Variants in PLXNB2 observed in about 807,000 individuals in gnomAD.
PLXNB2 encodes plexin-B2.
PLXNB2 carries 85 observed loss-of-function variants against 202.6 expected under a neutral mutation model. The observed-to-expected ratio is 0.42, with a 90% CI of 0.35 to 0.50. The LOEUF is 0.50. Ranked by LOEUF, PLXNB2 falls within the 20% of genes least tolerant of loss-of-function variation. The probability of loss-of-function intolerance (pLI) is 0.02; values close to 1 mark genes in which losing one functional copy is unlikely to be tolerated. For missense variants in PLXNB2, 2,063 were observed against 2,586.2 expected, an observed-to-expected ratio of 0.80 and a Z score of 4.39; for synonymous variants, 1,239 against 1,137.6, an observed-to-expected ratio of 1.09 and a Z score of -1.79.
At position 50,285,905 on chromosome 22, in the gene PLXNB2, G is replaced by A; in HGVS notation, c.1987-4C>T. 2 of 1,611,116 alleles carry A rather than the reference G, an allele frequency of 1.2e-6. No homozygotes were observed. Among genetic ancestry groups the A allele is most frequent in the South Asian group, 1.1e-5 (1 of 91,058 alleles). On this transcript the variant is annotated splice_polypyrimidine_tract_variant and splice_region_variant and intron_variant, in intron 10 of 36. Coordinates refer to ENST00000359337, the MANE Select transcript of PLXNB2 (RefSeq NM_012401.4). ...GGAACTGGGGACAGCTGTCCTCCTG[G>A]GAGAGTAAGGCTGGTCAGGTGCTGC...
At chr22:50,280,245 C>T (rs1347008968) in intron 25 of PLXNB2, among the ~76,000 whole-genome samples, 174 bp from the exon 26 acceptor site, 2 of 152,234 alleles carry the variant, frequency 1.3e-5, no homozygotes, top group Non-Finnish European at 2.9e-5. Flanking sequence ...AGTGTGCCAC[C>T]TTCCTTCTGT....
chr22:50,287,949 A>G lies in PLXNB2; in HGVS notation c.1469T>C (p.Val490Ala), dbSNP rs749954299. The G allele has an allele frequency of 6.3e-7, 1 of 1,585,788 alleles. No individual in the cohort carries two copies. The highest frequency in any genetic ancestry group is 1.8e-5 in the Admixed American group (1 of 56,422). ...DSQDPYCGWCVVEGRCTRKAE... is the reference protein window; with the variant it reads ...DSQDPYCGWCAVEGRCTRKAE... Reference sequence around the variant, plus strand: ...CCCAGGCACTCACCGTCCCTCGACGACGCACCAGCCGCAGTAGGGGTCCTG... The same window carrying G: ...CCCAGGCACTCACCGTCCCTCGACGGCGCACCAGCCGCAGTAGGGGTCCTG... Residue 490 changes from valine to alanine, a missense_variant, in exon 6 of 37, where the codon GTC becomes GCC. Transcript: ENST00000359337.
chr22:50,282,569 G>A lies in PLXNB2; in HGVS notation c.2987+142C>T, dbSNP rs541168445. 150 of 695,988 alleles carry A rather than the reference G, an allele frequency of 2.2e-4. No individual in the cohort carries two copies. The East Asian group carries it at 4.0e-3, about 19-fold the overall frequency. The allele number at this position is 695,988 out of a possible 1,614,324, so 43.1% of individuals were successfully genotyped here. On this transcript the variant is annotated intron_variant, in intron 18 of 36. Coordinates refer to ENST00000359337, the MANE Select transcript of PLXNB2 (RefSeq NM_012401.4). Reference sequence around the variant, plus strand: ...TGGGTTTCTAGGAGGAAGTGGATCTGGAGTGCAGTGGGGTTTTCCGGAGGC... The same window carrying A: ...TGGGTTTCTAGGAGGAAGTGGATCTAGAGTGCAGTGGGGTTTTCCGGAGGC...
intron 26 of PLXNB2, 61 bp downstream of exon 26, chr22:50,279,944 G>T: frequency 6.9e-7 from 1 of 1,450,708 alleles, no homozygotes. Flanking sequence ...GGGAACGCAG[G>T]AGGGGATGGC....
rs754031063 is a variant in PLXNB2, at chr22:50,275,718, C to T, written c.5503G>A (p.Val1835Ile). Residue 1835 changes from valine to isoleucine, a missense_variant, in exon 37 of 37, where the codon GTC becomes ATC. This residue lies in a region of PLXNB2 where 760 missense variants were observed against 1,109.4 expected (regional missense o/e 0.69). Coordinates refer to ENST00000359337, the MANE Select transcript of PLXNB2 (RefSeq NM_012401.4). ...GAGATTGTAGGTCAGAGGTCAGTGACCTTGTTCTCCAGTGCAGCGGCAATC... is the reference window on the plus strand; with the variant it reads ...GAGATTGTAGGTCAGAGGTCAGTGATCTTGTTCTCCAGTGCAGCGGCAATC... ...QQIAAALENK[V>I]TDL 4.4e-6 allele frequency: 7 copies of T among 1,606,742 alleles called. No homozygotes were observed. The East Asian group carries it at 1.6e-4, about 36-fold the overall frequency.
intron 1 of PLXNB2, among the ~76,000 whole-genome samples, chr22:50,306,133 C>T (rs751439652): frequency 1.4e-4 from 21 of 152,134 alleles, no homozygotes; most frequent in East Asian, 5.8e-4. Context: ...GGCAGGCAGC[C>T]GGTGGGGGAG....
intron 1 of PLXNB2, among the ~76,000 whole-genome samples, chr22:50,296,590 C>CAAAAAAAAAAAAAA (rs34197202): frequency 1.8e-5 from 1 of 56,460 alleles, no homozygotes; most frequent in Non-Finnish European, 3.3e-5. Context: ...GACTCTGTCT[C>CAAAAAAAAAAAAAA]AAAAAAAAAA....
intron 1 of PLXNB2, chr22:50,300,356 C>T: frequency 3.1e-6 from 3 of 983,134 alleles, no homozygotes; most frequent in South Asian, 9.4e-5. Flanking sequence ...GGGAGCAGCT[C>T]CGCCCCGCCG....
chr22:50,291,893 C>T lies in PLXNB2; in HGVS notation c.-13-1296G>A, dbSNP rs943398539. ...GTCCAGACTCGATGGCAGAGGGTTA[C>T]GAGGGATGGAGGCCCTGGCCTCCCC... On this transcript the variant is annotated intron_variant, in intron 2 of 36. Transcript: ENST00000359337. This position sits in a 1 kb window ranked among gnomAD's most constrained non-coding sequence, Gnocchi z 4.3. Among the ~76,000 whole-genome samples, 3 of 152,188 alleles carry T rather than the reference C, an allele frequency of 2.0e-5. No individual in the cohort carries two copies. Among genetic ancestry groups the T allele is most frequent in the East Asian group, 3.9e-4 (2 of 5,192 alleles).
chr22:50,277,590 C>T lies in PLXNB2; in HGVS notation c.5196+1G>A. ...CCCAGACCTGCCCCCACCCCACTCACGCGGCTCAGCTTATGCTCCGTGCGC... is the reference window on the plus strand; with the variant it reads ...CCCAGACCTGCCCCCACCCCACTCATGCGGCTCAGCTTATGCTCCGTGCGC... On this transcript the variant is annotated splice_donor_variant, in intron 33 of 36. Transcript: ENST00000359337. LOFTEE classifies it high-confidence loss of function. 1.9e-6 allele frequency: 3 copies of T among 1,562,444 alleles called. No homozygotes were observed. The highest frequency in any genetic ancestry group is 1.2e-5 in the South Asian group (1 of 84,028).
At position 50,281,844 on chromosome 22, in the gene PLXNB2, C is replaced by T. The variant is rs2066017690; in HGVS notation, c.3345+10G>A. 1.9e-6 allele frequency: 3 copies of T among 1,608,924 alleles called. No homozygotes were observed. Among genetic ancestry groups the T allele is most frequent in the African/African-American group, 1.3e-5 (1 of 74,888 alleles). On this transcript the variant is annotated intron_variant, in intron 20 of 36. Coordinates refer to ENST00000359337, the MANE Select transcript of PLXNB2 (RefSeq NM_012401.4). Reference sequence around the variant, plus strand: ...CAGGACCCAGACACCCGGGGCTGCACCGTCCTCACCCGGGCGTGGATGAGC... The same window carrying T: ...CAGGACCCAGACACCCGGGGCTGCATCGTCCTCACCCGGGCGTGGATGAGC...
Position 50,284,699 on chromosome 22 carries a change from G to T in PLXNB2, c.2089-34C>A. The stretch of plus-strand genomic sequence containing the variant: ...CATGCCGTCAGGACCCTGGACAGGC[G>T]GCTGTGGCACCCTGGCCCTCCTCCC... On this transcript the variant is annotated intron_variant, in intron 11 of 36. Transcript: ENST00000359337. The surrounding 1 kb of genome is among the most constrained non-coding windows in gnomAD (Gnocchi z 8.0). The T allele has an allele frequency of 6.5e-7, 1 of 1,539,572 alleles. No homozygotes were observed. Among genetic ancestry groups the T allele is most frequent in the South Asian group, 1.1e-5 (1 of 89,514 alleles).
At position 50,283,713 on chromosome 22, in the gene PLXNB2, C is replaced by T. The variant is rs747432493; in HGVS notation, c.2459G>A (p.Arg820His). Reference protein sequence around the residue: ...PETGPLGGGIRITILGSNLGV... With the variant: ...PETGPLGGGIHITILGSNLGV... ...CAAATTGGACCCCAGGATGGTGATG[C>T]GGATGCCCCCACCCAGGGGGCCCGT... is the stretch of plus-strand genomic sequence containing the variant. The change falls in exon 15 of 37, where the codon CGC becomes CAC. Residue 820 changes from arginine (R) to histidine (H), a missense_variant. This residue lies in a region of PLXNB2 where 1,303 missense variants were observed against 1,476.8 expected (regional missense o/e 0.88). Transcript: ENST00000359337. 1.4e-5 allele frequency: 22 copies of T among 1,613,088 alleles called. No individual in the cohort carries two copies. Among genetic ancestry groups the T allele is most frequent in the East Asian group, 8.9e-5 (4 of 44,880 alleles).
intron 7 of PLXNB2, 68 bp from the exon 8 acceptor site, chr22:50,287,332 G>T (rs563385255): frequency 7.0e-7 from 1 of 1,435,248 alleles, no homozygotes; most frequent in South Asian, 1.5e-5. Context: ...CCGGTGACCC[G>T]ACCTCCCTGC....
At position 50,281,273 on chromosome 22, in the gene PLXNB2, C is replaced by G; in HGVS notation, c.3663-84G>C. On this transcript the variant is annotated intron_variant, in intron 22 of 36. Transcript: ENST00000359337. ...TGAGGAGGTGGATCTACACGCCTGC[C>G]TGTGCAGGGCGGCGGATGAGGCCAG... 3 of 1,576,726 alleles carry G rather than the reference C, an allele frequency of 1.9e-6. No homozygotes were observed. The Middle Eastern group carries it at 5.0e-4, about 263-fold the overall frequency.
chr22:50,295,263 G>A lies in PLXNB2; in HGVS notation c.-73-485C>T, dbSNP rs1339698612. 2.7e-5 allele frequency among the ~76,000 whole-genome samples: 4 copies of A among 148,518 alleles called. No individual in the cohort carries two copies. The Admixed American group carries it at 2.7e-4, about 10-fold the overall frequency. On this transcript the variant is annotated intron_variant, in intron 1 of 36. Coordinates refer to ENST00000359337, the MANE Select transcript of PLXNB2 (RefSeq NM_012401.4). ...ATGAACCCGGCCGATGGAACTTGCA[G>A]TGAGCGGAGATCGCACCACTACACT...
intron 1 of PLXNB2, chr22:50,300,252 G>C (rs755767541): frequency 2.0e-6 from 2 of 984,694 alleles, no homozygotes; most frequent in African/African-American, 3.5e-5. Context: ...GAGCGCAGGA[G>C]ACGTCGTCCC....
At chr22:50,300,231 G>A (rs964277182) in intron 1 of PLXNB2, 3 of 974,862 alleles carry the variant, frequency 3.1e-6, no homozygotes, top group Middle Eastern at 5.2e-4. Flanking sequence ...CGGCGGCGGC[G>A]ACAGTCACAC....
At position 50,283,415 on chromosome 22, in the gene PLXNB2, C is replaced by T. The variant is rs568320434; in HGVS notation, c.2601G>A (p.Thr867=). 83 of 1,613,210 alleles carry T rather than the reference C, an allele frequency of 5.1e-5. 1 individual carries two copies. Among genetic ancestry groups the T allele is most frequent in the East Asian group, 2.7e-4 (12 of 44,868 alleles). Residue 867 remains threonine (T), a synonymous_variant, in exon 16 of 37, where the codon ACG becomes ACA. Transcript: ENST00000359337. ...CCACCTCGACACCCCCCGTGAAAGG[C>T]GTCTCCGCAGCCTCGATCACACACA... is the stretch of plus-strand genomic sequence containing the variant. ...RIVCVIEAAE[T]PFTGGVEVDV...
Sources: allele counts gnomAD v4.1 joint callset (sites outside exome capture counted in the v4.1 genomes callset), GRCh38; gene constraint gnomAD v4.1.1; regional missense constraint gnomAD v4.1.1; non-coding constraint Gnocchi (gnomAD v3.1); transcripts MANE v1.5; gene names NCBI Gene and HGNC (gene_info 2026-07-23, HGNC 2026-07-21).